The following MLIP variants were observed in gnomAD, a reference collection of about 807,000 sequenced individuals.
The protein encoded by MLIP is muscular LMNA-interacting protein.
A neutral mutation model predicts 84.8 loss-of-function variants in MLIP; 79 were observed. That is an observed-to-expected ratio of 0.93 (90% CI 0.78 to 1.12). The LOEUF (loss-of-function observed/expected upper bound fraction) is 1.12. Ranked by LOEUF, MLIP falls within the 50% of genes most tolerant of loss-of-function variation. MLIP has a pLI of 0.00. For missense variants in MLIP, 1,257 were observed against 1,160.6 expected, an observed-to-expected ratio of 1.08 and a Z score of -1.21; for synonymous variants, 504 against 463.0, an observed-to-expected ratio of 1.09 and a Z score of -1.14.
At chr6:54,252,303 A>G (rs1348443371) in intron 12 of MLIP, among the ~76,000 whole-genome samples, 1 of 118,542 alleles carries the variant, frequency 8.4e-6, no homozygotes, top group East Asian at 2.4e-4. Context: ...ACCATATAAT[A>G]TATAATATAA....
intron 12 of MLIP, among the ~76,000 whole-genome samples, chr6:54,254,283 T>C (rs1306068847): frequency 3.3e-5 from 5 of 151,708 alleles, no homozygotes; most frequent in African/African-American, 9.7e-5. Context: ...CACACCACCA[T>C]GCCCAGCTAA....
intron 10 of MLIP, among the ~76,000 whole-genome samples, chr6:54,197,123 G>T (rs1308271940): frequency 2.0e-5 from 3 of 151,982 alleles, no homozygotes; most frequent in Non-Finnish European, 2.9e-5. Flanking sequence ...GCTGGTTAGG[G>T]ATATGAAAGA....
intron 1 of MLIP, among the ~76,000 whole-genome samples, chr6:54,086,232 T>C (rs1767478865): frequency 6.6e-6 from 1 of 152,132 alleles, no homozygotes; most frequent in South Asian, 2.1e-4. Flanking sequence ...AACTTCCACA[T>C]TTACATCTCC....
chr6:54,261,296 G>T (rs751280497), intron 13 of MLIP, among the ~76,000 whole-genome samples: 70 of 151,972 alleles, frequency 4.6e-4, no homozygotes, highest in Non-Finnish European at 8.5e-4. Flanking sequence ...TAAACAGACC[G>T]CCCCTCTTTG....
intron 9 of MLIP, among the ~76,000 whole-genome samples, chr6:54,174,606 A>C (rs530448389): frequency 6.6e-6 from 1 of 151,660 alleles, no homozygotes. Context: ...ATAATACTTT[A>C]TGATAGAGCT....
intron 12 of MLIP, among the ~76,000 whole-genome samples, chr6:54,243,093 G>A (rs73741488): frequency 0.027 from 4,151 of 152,052 alleles, 171 homozygotes; most frequent in African/African-American, 0.092. Flanking sequence ...AATTAAAGAA[G>A]AAAAAAATTC....
At chr6:54,185,025 A>G (rs1329854303) in intron 9 of MLIP, among the ~76,000 whole-genome samples, 10 of 152,176 alleles carry the variant, frequency 6.6e-5, no homozygotes, top group Admixed American at 6.5e-4. Flanking sequence ...ACCTTTATTC[A>G]GGTGATGCAG....
At chr6:54,198,478 AG>A (rs1468652987) in intron 10 of MLIP, among the ~76,000 whole-genome samples, 1 of 152,140 alleles carries the variant, frequency 6.6e-6, no homozygotes, top group African/African-American at 2.4e-5. Flanking sequence ...GCTGTTTTAT[AG>A]ACTTTCTAAG....
chr6:54,138,307 G>A (rs1453926538), intron 4 of MLIP, 21 bp downstream of exon 4: 37 of 1,506,912 alleles, frequency 2.5e-5, no homozygotes, highest in Non-Finnish European at 3.0e-5. Flanking sequence ...CATGTTGCAT[G>A]GTGCATGCTT....
Position 54,137,295 on chromosome 6 carries a change from C to T in MLIP, c.1226C>T (p.Pro409Leu), listed in dbSNP as rs1771894558. The T allele has an allele frequency of 7.2e-6, 11 of 1,536,034 alleles. No homozygotes were observed. The highest frequency in any genetic ancestry group is 1.7e-4 in the Middle Eastern group (1 of 5,988). Residue 409 changes from proline (P) to leucine (L), a missense_variant, in exon 4 of 14, where the codon CCG becomes CTG. Physicochemically the swap from Pro to Leu is moderately conservative, Grantham distance 98. Transcript: ENST00000502396. ...CTTTCAAAGTCAGGGGTAAAATCCC[C>T]GGTGCCTTCCCGGCTTGCCCTTCTC... ...GNLSKSGVKSPVPSRLALLTA... is the reference protein window; with the variant it reads ...GNLSKSGVKSLVPSRLALLTA...
rs552257163 is a variant in MLIP at position 54,122,617 on chromosome 6, G to T, written c.252+1015G>T. ...AAATAGTAATATTTCCATGATCCTGGGGTTTTCAATGCTGCTATCTTCTTT... is the reference window on the plus strand; with the variant it reads ...AAATAGTAATATTTCCATGATCCTGTGGTTTTCAATGCTGCTATCTTCTTT... On this transcript the variant is annotated intron_variant, in intron 2 of 13. Transcript: ENST00000502396. Among the ~76,000 whole-genome samples, 3 of 152,168 alleles carry T rather than the reference G, an allele frequency of 2.0e-5. No homozygotes were observed. In the South Asian group the frequency reaches 6.2e-4, roughly 32 times the overall value.
At chr6:54,239,761 T>G (rs77818915) in intron 12 of MLIP, among the ~76,000 whole-genome samples, 1 of 151,790 alleles carries the variant, frequency 6.6e-6, no homozygotes, top group Non-Finnish European at 1.5e-5. Context: ...CACTCCAGTC[T>G]GGGTGACAGA....
At chr6:54,210,137 T>TCACCGCACCGCACCGCACCG (rs368113481) in intron 11 of MLIP, among the ~76,000 whole-genome samples, 3 of 151,742 alleles carry the variant, frequency 2.0e-5, no homozygotes, top group Admixed American at 6.6e-5. Flanking sequence ...CCACCTCACC[T>TCACCGCACCGCACCGCACCG]CACCGCACCG....
rs1446790285 is a variant in MLIP at position 54,172,193 on chromosome 6, G to A, written c.2544+2621G>A. The stretch of plus-strand genomic sequence containing the variant: ...AGTATAATGTATCTGATTACTACAC[G>A]TTGTATGTCTCAAAACACCACTATG... On this transcript the variant is annotated intron_variant, in intron 9 of 13. Transcript: ENST00000502396. Among the ~76,000 whole-genome samples, 5 of 151,580 alleles carry A rather than the reference G, an allele frequency of 3.3e-5. No individual in the cohort carries two copies. The East Asian group carries it at 9.7e-4, about 29-fold the overall frequency.
chr6:54,063,728 G>GTGTA (rs1260056985), intron 1 of MLIP, among the ~76,000 whole-genome samples: 2 of 137,424 alleles, frequency 1.5e-5, no homozygotes, highest in African/African-American at 7.0e-5. Context: ...TGGCGTGTGT[G>GTGTA]TGTGTGTGTG....
intron 12 of MLIP, among the ~76,000 whole-genome samples, chr6:54,239,506 C>A (rs1010880329): frequency 2.0e-5 from 3 of 150,948 alleles, no homozygotes; most frequent in Non-Finnish European, 2.9e-5. Context: ...TGTGGTGGCT[C>A]ATGCCTGTAA....
chr6:54,160,347 AC>A lies in MLIP; in HGVS notation c.2290-19del, dbSNP rs755484403. The A allele has an allele frequency of 4.4e-6, 7 of 1,605,770 alleles. No homozygotes were observed. The highest frequency in any genetic ancestry group is 6.0e-6 in the Non-Finnish European group (7 of 1,173,650). ...GTATGACTAGAAGCCTCATATAAGA[AC>A]TATTTCATTTGTCACTAGGCACTAG... On this transcript the variant is annotated intron_variant, in intron 5 of 13. Coordinates refer to ENST00000502396, the MANE Select transcript of MLIP (RefSeq NM_001281747.2).
rs1582204531 is a variant in MLIP, at chr6:54,124,409, A to C, written c.253-64A>C. The C allele has an allele frequency of 1.5e-5, 22 of 1,458,910 alleles. No individual in the cohort carries two copies. The South Asian group carries it at 2.2e-4, about 14-fold the overall frequency. The allele number at this position is 1,458,910 out of a possible 1,614,324, so 90.4% of individuals were successfully genotyped here. A position where few individuals can be genotyped will look rare whatever the true frequency, so the allele number is the denominator to read the frequency against. Reference sequence around the variant, plus strand: ...AAGGAGGTTAAGCTTTTCAGTGTACATGCCAAAAAAGAAGCATTTATTAAA... The same window carrying C: ...AAGGAGGTTAAGCTTTTCAGTGTACCTGCCAAAAAAGAAGCATTTATTAAA... On this transcript the variant is annotated intron_variant, in intron 2 of 13. Coordinates refer to ENST00000502396, the MANE Select transcript of MLIP (RefSeq NM_001281747.2).
chr6:54,081,288 T>TA (rs1767129980), intron 1 of MLIP, among the ~76,000 whole-genome samples: 1 of 152,152 alleles, frequency 6.6e-6, no homozygotes, highest in African/African-American at 2.4e-5. Context: ...TTGTGCAAAT[T>TA]ACATAGAATA....
Sources: allele counts gnomAD v4.1 joint callset (sites outside exome capture counted in the v4.1 genomes callset), GRCh38; gene constraint gnomAD v4.1.1; transcripts MANE v1.5; gene names NCBI Gene and HGNC (gene_info 2026-07-23, HGNC 2026-07-21).